CNIH3: variants seen among roughly 807,000 people sequenced by gnomAD.
The protein encoded by CNIH3 is cornichon family AMPA receptor auxiliary protein 3.
A neutral mutation model predicts 24.1 loss-of-function variants in CNIH3; 14 were observed. The observed-to-expected ratio is 0.58, with a 90% CI of 0.38 to 0.91. The LOEUF (loss-of-function observed/expected upper bound fraction) is 0.91. CNIH3 is among the 40% of genes least tolerant of loss of function. CNIH3 has a pLI of 0.00. For missense variants in CNIH3, 178 were observed against 196.8 expected, an observed-to-expected ratio of 0.90 and a Z score of 0.57; for synonymous variants, 68 against 73.8, an observed-to-expected ratio of 0.92 and a Z score of 0.40.
Position 224,444,708 on chromosome 1 carries a change from G to C in CNIH3, n.203+9846G>C, listed in dbSNP as rs1365170737. On this transcript the variant is annotated intron_variant and non_coding_transcript_variant, in intron 1 of 5. Transcript: ENST00000471578. Reference sequence around the variant, plus strand: ...CACCCAGGCTGGAGTGCAGTAGCGCGATCTCGGCTCACTGCAACCTTCGAC... The same window carrying C: ...CACCCAGGCTGGAGTGCAGTAGCGCCATCTCGGCTCACTGCAACCTTCGAC... 3.3e-5 allele frequency among the ~76,000 whole-genome samples: 5 copies of C among 151,074 alleles called. No homozygotes were observed. The East Asian group carries it at 5.9e-4, about 18-fold the overall frequency.
Position 224,563,616 on chromosome 1 carries a change from T to C in CNIH3, n.451-2583T>C, listed in dbSNP as rs137865094. Among the ~76,000 whole-genome samples, 447 of 152,230 alleles carry C rather than the reference T, an allele frequency of 2.9e-3. 1 individual carries two copies. Among genetic ancestry groups the C allele is most frequent in the African/African-American group, 0.01 (424 of 41,532 alleles). On this transcript the variant is annotated intron_variant and non_coding_transcript_variant, in intron 3 of 5. Transcript: ENST00000471578. ...TTAGAGTACTTAAGATTGGCATCCA[T>C]TAGCCTAGGCTCTGTCAGCTAGCCA...
intron 1 of CNIH3, among the ~76,000 whole-genome samples, chr1:224,642,330 A>G (rs1234544710): frequency 6.6e-6 from 1 of 152,160 alleles, no homozygotes; most frequent in Non-Finnish European, 1.5e-5. Context: ...CCCTGGGCTC[A>G]AGTGATTCTT....
At chr1:224,660,548 C>T (rs1499282) in intron 1 of CNIH3, among the ~76,000 whole-genome samples, 3 of 151,872 alleles carry the variant, frequency 2.0e-5, no homozygotes, top group East Asian at 1.9e-4. Flanking sequence ...AACACATTTG[C>T]GTTTCTTTGT....
chr1:224,724,385 G>A (rs1343488734), intron 3 of CNIH3, among the ~76,000 whole-genome samples: 1 of 152,208 alleles, frequency 6.6e-6, no homozygotes, highest in African/African-American at 2.4e-5. Flanking sequence ...CCTTCATCCA[G>A]AGTGATTAAA....
chr1:224,514,787 A>G (rs1328854174), upstream of CNIH3, among the ~76,000 whole-genome samples: 1 of 152,208 alleles, frequency 6.6e-6, no homozygotes, highest in Admixed American at 6.5e-5. Context: ...AGCCGTGGTC[A>G]TGCCACCGCA....
chr1:224,446,140 A>G (rs1373929973), intron 1 of CNIH3, among the ~76,000 whole-genome samples: 1 of 151,392 alleles, frequency 6.6e-6, no homozygotes. Context: ...TTGTGCTGAT[A>G]CCATACTGAC....
At chr1:224,728,146 C>T (rs550649331) in intron 3 of CNIH3, among the ~76,000 whole-genome samples, 7 of 152,340 alleles carry the variant, frequency 4.6e-5, no homozygotes, top group East Asian at 3.9e-4. Flanking sequence ...TTCAGGCCCA[C>T]GGTGGCTGTC....
Position 224,682,046 on chromosome 1 carries a change from G to A in CNIH3, c.150+1020G>A, listed in dbSNP as rs184509668. Among the ~76,000 whole-genome samples, 373 of 152,210 alleles carry A rather than the reference G, an allele frequency of 2.5e-3. 1 individual carries two copies. The Middle Eastern group carries it at 0.027, about 11-fold the overall frequency. On this transcript the variant is annotated intron_variant, in intron 2 of 5. Transcript: ENST00000272133. Reference sequence around the variant, plus strand: ...CGTCTTAGCTTGGAATGTTTGTGGCGTCATTCAGCAGGGACAAAGAGGTCT... The same window carrying A: ...CGTCTTAGCTTGGAATGTTTGTGGCATCATTCAGCAGGGACAAAGAGGTCT...
chr1:224,550,677 T>C (rs1012444771), intron 3 of CNIH3, among the ~76,000 whole-genome samples: 3 of 152,210 alleles, frequency 2.0e-5, no homozygotes, highest in African/African-American at 7.2e-5. Context: ...CTGGATATAA[T>C]AGAAATATCA....
At chr1:224,460,578 A>T (rs1394746390) in intron 1 of CNIH3, among the ~76,000 whole-genome samples, 3 of 152,218 alleles carry the variant, frequency 2.0e-5, no homozygotes, top group Non-Finnish European at 4.4e-5. Context: ...TTATTGATGA[A>T]TAACATTCCA....
intron 1 of CNIH3, among the ~76,000 whole-genome samples, chr1:224,466,921 T>C (rs35915186): frequency 0.15 from 22,909 of 152,302 alleles, 2,345 homozygotes; most frequent in Non-Finnish European, 0.22. Flanking sequence ...TTGCTAATTA[T>C]ATTGTTTGCT....
chr1:224,473,875 A>G (rs751361525), intron 1 of CNIH3, among the ~76,000 whole-genome samples: 6 of 152,190 alleles, frequency 3.9e-5, no homozygotes, highest in Non-Finnish European at 8.8e-5. Context: ...GATCATTCAC[A>G]AGGAAAGACC....
chr1:224,641,836 A>G (rs539068537), intron 1 of CNIH3, among the ~76,000 whole-genome samples: 23 of 152,306 alleles, frequency 1.5e-4, no homozygotes, highest in Middle Eastern at 3.4e-3. Context: ...AACCATGTCA[A>G]AAATTTTCCT....
intron 3 of CNIH3, among the ~76,000 whole-genome samples, chr1:224,564,614 G>A (rs558835971): frequency 6.6e-6 from 1 of 152,350 alleles, no homozygotes; most frequent in South Asian, 2.1e-4. Flanking sequence ...AAGGGCTGAC[G>A]ATACTTGGAT....
At chr1:224,697,458 T>G (rs1189631205) in intron 3 of CNIH3, among the ~76,000 whole-genome samples, 1 of 152,116 alleles carries the variant, frequency 6.6e-6, no homozygotes, top group Non-Finnish European at 1.5e-5. Context: ...GGGTATGATT[T>G]AGAGAGCCGT....
chr1:224,438,304 C>T (rs912907774), intron 1 of CNIH3, among the ~76,000 whole-genome samples: 3 of 152,046 alleles, frequency 2.0e-5, no homozygotes, highest in African/African-American at 7.2e-5. Flanking sequence ...GCAATCCTCC[C>T]GTCTTGGCCT....
intron 1 of CNIH3, among the ~76,000 whole-genome samples, chr1:224,621,485 C>T (rs1199365088): frequency 6.6e-6 from 1 of 152,246 alleles, no homozygotes; most frequent in East Asian, 1.9e-4. Context: ...ACTGCACTCA[C>T]TGCCAGGTCT....
chr1:224,470,930 AT>A (rs1676344170), intron 1 of CNIH3, among the ~76,000 whole-genome samples: 1 of 152,242 alleles, frequency 6.6e-6, no homozygotes, highest in South Asian at 2.1e-4. Flanking sequence ...AACCTCAAGA[AT>A]TTATCGTTTG....
At chr1:224,644,735 G>A (rs983031156) in intron 1 of CNIH3, among the ~76,000 whole-genome samples, 7 of 152,148 alleles carry the variant, frequency 4.6e-5, no homozygotes, top group African/African-American at 1.7e-4. Context: ...CTCAACCGTT[G>A]CCACTAGAGG....
Sources: gnomAD v4.1 joint callset for allele counts (sites outside exome capture counted in the v4.1 genomes callset) on GRCh38, gnomAD v4.1.1 for gene constraint, MANE v1.5 for transcripts, NCBI Gene and HGNC (gene_info 2026-07-23, HGNC 2026-07-21) for gene names.